Variants in TSC22D3 observed in about 807,000 individuals in gnomAD.
The protein encoded by TSC22D3 is TSC22 domain family member 3.
In TSC22D3, 4 loss-of-function variants were observed where a neutral mutation model predicts 11.1. The ratio of observed to expected loss-of-function variants is 0.36; its 90% CI spans 0.18 to 0.83. TSC22D3 has a LOEUF of 0.83. Among genes scored for constraint, TSC22D3 ranks in the 40% least tolerant of loss-of-function variants. The pLI is 0.48. For missense variants in TSC22D3, 118 were observed against 159.4 expected (o/e 0.74, Z 1.40); for synonymous variants, 77 against 70.3 (o/e 1.10, Z -0.48).
chrX:107,716,683 C>A, intron 1 of TSC22D3: 3 of 1,207,022 alleles, frequency 2.5e-6, no homozygotes, highest in Non-Finnish European at 3.4e-6. Flanking sequence ...CTGGGGCCAG[C>A]GGTTACCTGT....
At chrX:107,730,543 TGGGTCATCTCCATTTCAATTCA>T (rs1164380352) in intron 1 of TSC22D3, among the ~76,000 whole-genome samples, 1 of 111,614 alleles carries the variant, frequency 9.0e-6, no homozygotes, top group Non-Finnish European at 1.9e-5. Flanking sequence ...CAGGATGGGA[TGGGTCATCTCCATTTCAATTCA>T]GGGACTAGCA....
intron 1 of TSC22D3, among the ~76,000 whole-genome samples, chrX:107,754,714 G>A (rs986313873): frequency 8.9e-6 from 1 of 112,025 alleles, no homozygotes; most frequent in Non-Finnish European, 1.9e-5. Context: ...CATGGTCATT[G>A]GCCACTAATG....
intron 1 of TSC22D3, among the ~76,000 whole-genome samples, chrX:107,760,743 T>G (rs1416245812): frequency 8.9e-6 from 1 of 112,577 alleles, no homozygotes; most frequent in Non-Finnish European, 1.9e-5. Context: ...TTCTGTGGGT[T>G]TTGATCTCTG....
intron 1 of TSC22D3, chrX:107,716,820 C>T: frequency 8.3e-7 from 1 of 1,209,447 alleles, no homozygotes; most frequent in Non-Finnish European, 1.1e-6. Context: ...ATGGCTCGGG[C>T]TGCTAGGAAG....
At position 107,717,103 on chromosome X, in the gene TSC22D3, G is replaced by A. The variant is rs753948710; in HGVS notation, c.321-1153C>T. 7.8e-6 allele frequency: 7 copies of A among 903,083 alleles called. No homozygotes were observed. In the African/African-American group the frequency reaches 1.5e-4, roughly 19 times the overall value. 74.4% of individuals were successfully genotyped at this position (903,083 alleles called of 1,213,427 possible). A position where few individuals can be genotyped will look rare whatever the true frequency, so the allele number is the denominator to read the frequency against. On this transcript the variant is annotated intron_variant, in intron 1 of 2. Coordinates refer to ENST00000372383, the MANE Select transcript of TSC22D3 (RefSeq NM_198057.3). ...CCTGCTTCTTTATATAGGAGGAGCCGGCTGCGTCACATGGCGTCAGGGGCC... is the reference window on the plus strand; with the variant it reads ...CCTGCTTCTTTATATAGGAGGAGCCAGCTGCGTCACATGGCGTCAGGGGCC...
intron 1 of TSC22D3, among the ~76,000 whole-genome samples, chrX:107,768,040 C>A (rs945421622): frequency 2.7e-5 from 3 of 112,318 alleles, no homozygotes; most frequent in Non-Finnish European, 3.8e-5. Context: ...CGATACCAAC[C>A]AATTTGTTAT....
intron 1 of TSC22D3, among the ~76,000 whole-genome samples, chrX:107,729,716 G>C (rs1927800304): frequency 8.9e-6 from 1 of 112,724 alleles, no homozygotes; most frequent in Non-Finnish European, 1.9e-5. Context: ...GCCCTGTTGT[G>C]AGGTGTTGAC....
At chrX:107,715,646 A>G in intron 2 of TSC22D3, 1 of 434,539 alleles carries the variant, frequency 2.3e-6, no homozygotes, top group South Asian at 3.1e-5. Flanking sequence ...CCCAGGAGAG[A>G]GTCAGAGCCT....
chrX:107,731,767 T>C (rs1927893989), intron 1 of TSC22D3, among the ~76,000 whole-genome samples: 1 of 106,100 alleles, frequency 9.4e-6, no homozygotes, highest in East Asian at 3.0e-4. Context: ...TCTGCCCCCA[T>C]GGGGTACAGG....
intron 1 of TSC22D3, chrX:107,716,448 G>T (rs1032695290): frequency 4.1e-6 from 4 of 984,970 alleles, no homozygotes; most frequent in Non-Finnish European, 5.1e-6. Context: ...GCCTCCGGCT[G>T]CCTCTGCGGC....
chrX:107,721,973 G>A, intron 1 of TSC22D3: 1 of 459,825 alleles, frequency 2.2e-6, no homozygotes, highest in Non-Finnish European at 4.0e-6. Context: ...TCCAGTGTGG[G>A]AGACTATAGA....
At chrX:107,740,021 A>C (rs1039179986) in intron 1 of TSC22D3, among the ~76,000 whole-genome samples, 3 of 112,359 alleles carry the variant, frequency 2.7e-5, no homozygotes, top group Middle Eastern at 4.6e-3. Flanking sequence ...CTTCATATAC[A>C]GTATATATGT....
intron 1 of TSC22D3, among the ~76,000 whole-genome samples, chrX:107,766,074 C>T (rs1032629244): frequency 2.7e-5 from 3 of 112,158 alleles, no homozygotes; most frequent in Non-Finnish European, 3.8e-5. Flanking sequence ...TGGCAACACA[C>T]GTGAGACAGG....
chrX:107,719,687 A>C (rs1476031966), intron 1 of TSC22D3, among the ~76,000 whole-genome samples: 1 of 111,837 alleles, frequency 8.9e-6, no homozygotes, highest in Non-Finnish European at 1.9e-5. Flanking sequence ...AGAGGCTTGA[A>C]TGAGTGAGTT....
At chrX:107,764,186 G>T (rs1043887590) in intron 1 of TSC22D3, among the ~76,000 whole-genome samples, 1 of 112,328 alleles carries the variant, frequency 8.9e-6, no homozygotes. Context: ...TCATTAGCAT[G>T]ACTATCTGGT....
At chrX:107,759,607 G>T (rs1929338614) in intron 1 of TSC22D3, among the ~76,000 whole-genome samples, 1 of 112,508 alleles carries the variant, frequency 8.9e-6, no homozygotes, top group South Asian at 3.6e-4. Flanking sequence ...CAGGAACTGT[G>T]CCTCCTCCCC....
At chrX:107,768,364 C>T (rs1417789549) in intron 1 of TSC22D3, among the ~76,000 whole-genome samples, 3 of 112,362 alleles carry the variant, frequency 2.7e-5, no homozygotes, top group Non-Finnish European at 3.8e-5. Context: ...CAACCCTCTA[C>T]CTGGAATGGA....
At chrX:107,772,517 C>T (rs773470381) in intron 1 of TSC22D3, among the ~76,000 whole-genome samples, 8 of 110,993 alleles carry the variant, frequency 7.2e-5, no homozygotes, top group Non-Finnish European at 1.5e-4. Flanking sequence ...AAACCTAAAC[C>T]GAATTCAGAA....
chrX:107,727,803 G>A (rs766823108), intron 1 of TSC22D3, among the ~76,000 whole-genome samples: 80 of 112,446 alleles, frequency 7.1e-4, no homozygotes, highest in African/African-American at 2.6e-3. Flanking sequence ...GGTAGTTTGA[G>A]AAGTTGTTGT....
Sources: allele counts gnomAD v4.1 joint callset (sites outside exome capture counted in the v4.1 genomes callset), GRCh38; gene constraint gnomAD v4.1.1; transcripts MANE v1.5; gene names NCBI Gene and HGNC (gene_info 2026-07-23, HGNC 2026-07-21).